Variants in HAUS7 observed in about 807,000 individuals in gnomAD.
HAUS7 encodes the protein HAUS augmin-like complex subunit 7.
A neutral mutation model predicts 28.4 loss-of-function variants in HAUS7; 3 were observed. The observed-to-expected ratio is 0.11, with a 90% CI of 0.05 to 0.27. The LOEUF (loss-of-function observed/expected upper bound fraction) is 0.27. Ranked by LOEUF, HAUS7 falls within the 10% of genes least tolerant of loss-of-function variation. HAUS7 has a pLI of 1.00. For synonymous variants in HAUS7, 165 were observed against 132.1 expected (o/e 1.25, Z -1.71); for missense variants, 284 against 297.3 (o/e 0.96, Z 0.33).
intron 2 of HAUS7, among the ~76,000 whole-genome samples, chrX:153,467,563 C>T (rs936021198): frequency 8.9e-6 from 1 of 111,888 alleles, no homozygotes; most frequent in Non-Finnish European, 1.9e-5. Context: ...CGTCCCCATC[C>T]CAGATCAAAT....
intron 9 of HAUS7, among the ~76,000 whole-genome samples, chrX:153,453,888 C>T (rs887030098): frequency 2.5e-4 from 27 of 107,828 alleles, no homozygotes; most frequent in African/African-American, 7.8e-4. Flanking sequence ...GGCGTGACCT[C>T]AGCTCACTGC....
intron 1 of HAUS7, chrX:153,479,382 C>G: frequency 1.3e-6 from 1 of 754,455 alleles, no homozygotes; most frequent in South Asian, 6.7e-5. Context: ...CAGGGGCCCC[C>G]GACGGTGAGT....
upstream of HAUS7, chrX:153,470,724 C>T: frequency 1.4e-6 from 1 of 716,238 alleles, no homozygotes; most frequent in Middle Eastern, 4.9e-4. Context: ...CGGGCTCCCA[C>T]CCCCCGCCCC....
chrX:153,463,006 A>G (rs782216698), intron 3 of HAUS7: 1 of 406,340 alleles, frequency 2.5e-6, no homozygotes, highest in Admixed American at 2.9e-5. Context: ...TCTCTCCAAG[A>G]CCTCACAAGG....
intron 1 of HAUS7, among the ~76,000 whole-genome samples, chrX:153,478,242 G>T (rs2089575114): frequency 8.9e-6 from 1 of 112,448 alleles, no homozygotes; most frequent in Admixed American, 9.3e-5. Flanking sequence ...CAGAACGCGG[G>T]GTTGGGGCTG....
At chrX:153,463,415 C>T (rs1373281098) in intron 3 of HAUS7, among the ~76,000 whole-genome samples, 1 of 111,930 alleles carries the variant, frequency 8.9e-6, no homozygotes, top group African/African-American at 3.3e-5. Flanking sequence ...TGACCCCTCT[C>T]TTCCTCTCAG....
intron 3 of HAUS7, chrX:153,463,120 G>C (rs1556983712): frequency 6.0e-6 from 2 of 334,027 alleles, no homozygotes. Flanking sequence ...GGAAGACCTT[G>C]TTCCATTTCA....
chrX:153,481,757 C>T (rs782366075), intron 1 of HAUS7: 3 of 728,152 alleles, frequency 4.1e-6, no homozygotes, highest in Admixed American at 8.7e-5. Context: ...GTGGGAGGTA[C>T]AGAGTGGCAG....
At chrX:153,466,508 C>G (rs2089456614) in intron 2 of HAUS7, among the ~76,000 whole-genome samples, 1 of 112,172 alleles carries the variant, frequency 8.9e-6, no homozygotes, top group Non-Finnish European at 1.9e-5. Context: ...ACACCAAGGA[C>G]CAACACTAGG....
intron 1 of HAUS7, chrX:153,483,339 T>C: frequency 1.3e-6 from 1 of 754,320 alleles, no homozygotes; most frequent in Non-Finnish European, 1.6e-6. Context: ...ATCGAGGAGG[T>C]GGCGGAGGGC....
intron 2 of HAUS7, among the ~76,000 whole-genome samples, chrX:153,467,128 C>T (rs782712549): frequency 4.5e-5 from 5 of 111,051 alleles, no homozygotes; most frequent in African/African-American, 1.3e-4. Flanking sequence ...CCTGGGAGCT[C>T]GCTCAAGACC....
intron 4 of HAUS7, among the ~76,000 whole-genome samples, chrX:153,460,571 A>G (rs1355428491): frequency 9.0e-6 from 1 of 111,068 alleles, no homozygotes; most frequent in Non-Finnish European, 1.9e-5. Context: ...AAAAAAAAAA[A>G]AAAGCAGCAG....
rs781952578 is a variant in HAUS7 at position 153,462,065 on chromosome X, T to A, written c.354+545A>T. Reference sequence around the variant, plus strand: ...ATAGGCCATTGGTCACGTGAATAAATCTCTTCAGATATAAAAAAAAGAAAA... The same window carrying A: ...ATAGGCCATTGGTCACGTGAATAAAACTCTTCAGATATAAAAAAAAGAAAA... On this transcript the variant is annotated intron_variant, in intron 4 of 9. Transcript: ENST00000370211. 3 of 848,436 alleles carry A rather than the reference T, an allele frequency of 3.5e-6. No individual in the cohort carries two copies. The South Asian group carries it at 6.9e-5, about 20-fold the overall frequency. 69.9% of individuals were successfully genotyped at this position (848,436 alleles called of 1,213,427 possible).
intron 9 of HAUS7, 32 bp from the exon 10 acceptor site, chrX:153,447,941 G>A: frequency 8.8e-7 from 1 of 1,134,459 alleles, no homozygotes; most frequent in Non-Finnish European, 1.2e-6. Flanking sequence ...CCAAAAGGAT[G>A]GTGGGAGTGT....
At chrX:153,487,548 C>A (rs2089646857) in intron 1 of HAUS7, among the ~76,000 whole-genome samples, 1 of 112,392 alleles carries the variant, frequency 8.9e-6, no homozygotes. Flanking sequence ...AAGAGAGGTC[C>A]CCAGGGCCCC....
rs1264236178 is a variant in HAUS7 at position 153,476,047 on chromosome X, A to C, written c.-588-4902T>G. ...CACCCCACAGCCTGAGGGGGGCCGG[A>C]TCCTGTGACTCCTCTGCTTAGCAGT... On this transcript the variant is annotated intron_variant, in intron 1 of 5. Transcript: ENST00000370210. Among the ~76,000 whole-genome samples, 5 of 111,562 alleles carry C rather than the reference A, an allele frequency of 4.5e-5. No homozygotes were observed. The Admixed American group carries it at 4.7e-4, about 11-fold the overall frequency.
intron 8 of HAUS7, 130 bp downstream of exon 8, chrX:153,455,412 A>AGCCCCTCCCC: frequency 2.1e-6 from 1 of 483,232 alleles, no homozygotes. Flanking sequence ...AGCCCCTCCC[A>AGCCCCTCCCC]GCCCCTGGTC....
intron 1 of HAUS7, chrX:153,483,449 G>A: frequency 1.3e-6 from 1 of 755,870 alleles, no homozygotes; most frequent in Non-Finnish European, 1.6e-6. Flanking sequence ...TCTCCCGTGA[G>A]TGGCAGTCCC....
At chrX:153,471,224 T>C (rs988548080), upstream of HAUS7, 1 of 250,792 alleles carries the variant, frequency 4.0e-6, no homozygotes, top group Non-Finnish European at 7.7e-6. Context: ...TGTGCCTCTT[T>C]GCCCTCACCT....
Sources: allele counts gnomAD v4.1 joint callset (sites outside exome capture counted in the v4.1 genomes callset), GRCh38; gene constraint gnomAD v4.1.1; transcripts MANE v1.5; gene names NCBI Gene and HGNC (gene_info 2026-07-23, HGNC 2026-07-21).